The following S100A11 variants were observed in gnomAD, a reference collection of about 807,000 sequenced individuals.
S100A11 encodes the protein S100 calcium binding protein A11, also known as protein S100-A11.
In S100A11, 5 loss-of-function variants were observed where a neutral mutation model predicts 7.4. The observed-to-expected ratio is 0.68, with a 90% CI of 0.35 to 1.42. The LOEUF (loss-of-function observed/expected upper bound fraction) is 1.42, where lower values mean the gene tolerates loss of function less well. Among genes scored for constraint, S100A11 ranks in the 40% most tolerant of loss-of-function variants. The pLI is 0.04. For synonymous variants in S100A11, 47 were observed against 46.6 expected (o/e 1.01, Z -0.04); for missense variants, 96 against 125.0 (o/e 0.77, Z 1.11).
chr1:152,032,722 G>GCCA lies in S100A11; in HGVS notation c.255_257dup (p.Gly86dup). The GCCA allele has an allele frequency of 6.2e-7, 1 of 1,614,018 alleles. No individual in the cohort carries two copies. The highest frequency in any genetic ancestry group is 8.5e-7 in the Non-Finnish European group (1 of 1,179,884). On this transcript the variant is annotated inframe_insertion, in exon 3 of 3. Transcript: ENST00000271638. ...AGGAGTCATGGCAAGCCATAGCTAG[G>GCCA]CCACCAATCAGATTAAGAAATTCTG...
chr1:152,033,967 G>A lies in S100A11; in HGVS notation c.4-167C>T, dbSNP rs957048844. Among the ~76,000 whole-genome samples the A allele has an allele frequency of 6.6e-6, 1 of 152,206 alleles. No individual in the cohort carries two copies. The highest frequency in any genetic ancestry group is 1.5e-5 in the Non-Finnish European group (1 of 68,036). On this transcript the variant is annotated intron_variant, in intron 1 of 2. Transcript: ENST00000271638. This position sits in a 1 kb window ranked among gnomAD's most constrained non-coding sequence, Gnocchi z 4.0. ...AGACAACCACAAAAAGTCACACTCT[G>A]TGACCTTCCGTCCTACCCCTCGCCA...
intron 1 of S100A11, among the ~76,000 whole-genome samples, chr1:152,035,755 G>GGT (rs1656819941): frequency 6.6e-6 from 1 of 152,234 alleles, no homozygotes; most frequent in African/African-American, 2.4e-5. Flanking sequence ...AGTCTTACTT[G>GGT]GTGGGGATGG....
chr1:152,035,875 G>A (rs1656821743), intron 1 of S100A11, among the ~76,000 whole-genome samples: 1 of 152,200 alleles, frequency 6.6e-6, no homozygotes, highest in Admixed American at 6.5e-5. Context: ...TGAAAAAGAC[G>A]TAGCAATTTT....
chr1:152,034,315 T>C (rs1453167441), intron 1 of S100A11, among the ~76,000 whole-genome samples: 7 of 152,274 alleles, frequency 4.6e-5, no homozygotes, highest in Admixed American at 4.6e-4. Context: ...TATCATTGTG[T>C]ATGCAGTGGG....
At chr1:152,036,633 A>C (rs1335283384) in intron 1 of S100A11, among the ~76,000 whole-genome samples, 1 of 148,068 alleles carries the variant, frequency 6.8e-6, no homozygotes, top group African/African-American at 2.6e-5. Context: ...CCGCGCGGTG[A>C]GCGGCCAGCA....
At chr1:152,035,991 G>A (rs1048645888) in intron 1 of S100A11, among the ~76,000 whole-genome samples, 1 of 152,228 alleles carries the variant, frequency 6.6e-6, no homozygotes, top group Non-Finnish European at 1.5e-5. Context: ...GGGAATGGGC[G>A]TGGCTCTGTT....
At position 152,033,627 on chromosome 1, in the gene S100A11, G is replaced by T. The variant is rs370764128; in HGVS notation, c.156+21C>A. On this transcript the variant is annotated intron_variant, in intron 2 of 2. Transcript: ENST00000271638. The surrounding 1 kb of genome is among the most constrained non-coding windows in gnomAD (Gnocchi z 4.0). ...CATGTTGTGGGTAGTTTGGGGAAGTGGGGGAGACAGGGACCAGTACCTTTG... is the reference window on the plus strand; with the variant it reads ...CATGTTGTGGGTAGTTTGGGGAAGTTGGGGAGACAGGGACCAGTACCTTTG... 2 of 1,609,652 alleles carry T rather than the reference G, an allele frequency of 1.2e-6. No homozygotes were observed. The highest frequency in any genetic ancestry group is 8.5e-7 in the Non-Finnish European group (1 of 1,177,510).
Position 152,032,829 on chromosome 1 carries a change from G to A in S100A11, c.157-6C>T, listed in dbSNP as rs376301167. 8.9e-5 allele frequency: 142 copies of A among 1,600,106 alleles called. No homozygotes were observed. Among genetic ancestry groups the A allele is most frequent in the Non-Finnish European group, 1.2e-4 (139 of 1,170,900 alleles). On this transcript the variant is annotated splice_region_variant and splice_polypyrimidine_tract_variant and intron_variant, in intron 2 of 2. Coordinates refer to ENST00000271638, the MANE Select transcript of S100A11 (RefSeq NM_005620.2). Reference sequence around the variant, plus strand: ...ACACCAGGGTCCTTCTGGTTCTGCAGAGAAAATAATAATTACACCTTTATA... The same window carrying A: ...ACACCAGGGTCCTTCTGGTTCTGCAAAGAAAATAATAATTACACCTTTATA...
At position 152,034,186 on chromosome 1, in the gene S100A11, TTTC is replaced by T. The variant is rs1446104268; in HGVS notation, c.4-389_4-387del. On this transcript the variant is annotated intron_variant, in intron 1 of 2. Transcript: ENST00000271638. ...CCAAACATTGTCTATAGGTTAATAA[TTTC>T]TTATTTTCCAAGAGTGTATGGAGGC... Among the ~76,000 whole-genome samples the T allele has an allele frequency of 2.6e-5, 4 of 152,352 alleles. No individual in the cohort carries two copies. In the South Asian group the frequency reaches 8.3e-4, roughly 32 times the overall value.
chr1:152,032,875 TC>T, intron 2 of S100A11, 52 bp from the exon 3 acceptor site: 1 of 1,334,056 alleles, frequency 7.5e-7, no homozygotes, highest in Non-Finnish European at 1.1e-6. Flanking sequence ...TAATGTGCTT[TC>T]AAATATGCTG....
At position 152,033,627 on chromosome 1, in the gene S100A11, G is replaced by C. The variant is rs370764128; in HGVS notation, c.156+21C>G. The C allele has an allele frequency of 1.8e-5, 29 of 1,609,534 alleles. No homozygotes were observed. Among genetic ancestry groups the C allele is most frequent in the Middle Eastern group, 2.1e-4 (1 of 4,830 alleles). On this transcript the variant is annotated intron_variant, in intron 2 of 2. Coordinates refer to ENST00000271638, the MANE Select transcript of S100A11 (RefSeq NM_005620.2). This position sits in a 1 kb window ranked among gnomAD's most constrained non-coding sequence, Gnocchi z 4.0. ...CATGTTGTGGGTAGTTTGGGGAAGT[G>C]GGGGAGACAGGGACCAGTACCTTTG...
chr1:152,032,582 G>C lies in S100A11; in HGVS notation c.*80C>G. 1 of 1,343,832 alleles carries C rather than the reference G, an allele frequency of 7.4e-7. No homozygotes were observed. The highest frequency in any genetic ancestry group is 1.0e-6 in the Non-Finnish European group (1 of 961,486). 83.2% of individuals were successfully genotyped at this position (1,343,832 alleles called of 1,614,324 possible). A position where few individuals can be genotyped will look rare whatever the true frequency, so the allele number is the denominator to read the frequency against. On this transcript the variant is annotated 3_prime_UTR_variant, in exon 3 of 3. Transcript: ENST00000271638. ...TGCATGAGGTGGTTAGTGTGCTCAG[G>C]GGATGGGTGGGCTGTGGAGATGATG...
At chr1:152,034,257 G>A (rs1431716716) in intron 1 of S100A11, among the ~76,000 whole-genome samples, 2 of 152,218 alleles carry the variant, frequency 1.3e-5, no homozygotes, top group African/African-American at 2.4e-5. Context: ...AAGCAATACC[G>A]AATTCCTGGG....
chr1:152,036,874 T>G, intron 1 of S100A11, 39 bp downstream of exon 1: 1 of 1,573,426 alleles, frequency 6.4e-7, no homozygotes, highest in Non-Finnish European at 8.7e-7. Context: ...TTTCTTTTTC[T>G]TTTCATGTAA....
chr1:152,033,937 G>T lies in S100A11; in HGVS notation c.4-137C>A. 1 of 708,324 alleles carries T rather than the reference G, an allele frequency of 1.4e-6. No individual in the cohort carries two copies. The highest frequency in any genetic ancestry group is 2.4e-6 in the Non-Finnish European group (1 of 419,984). The allele number at this position is 708,324 out of a possible 1,614,324, so 43.9% of individuals were successfully genotyped here. Reference sequence around the variant, plus strand: ...AGTCATTTTTTCAAGGGGCTGAGGGGTTCAAGACAACCACAAAAAGTCACA... The same window carrying T: ...AGTCATTTTTTCAAGGGGCTGAGGGTTTCAAGACAACCACAAAAAGTCACA... On this transcript the variant is annotated intron_variant, in intron 1 of 2. Coordinates refer to ENST00000271638, the MANE Select transcript of S100A11 (RefSeq NM_005620.2). The surrounding 1 kb of genome is among the most constrained non-coding windows in gnomAD (Gnocchi z 4.0).
Position 152,032,695 on chromosome 1 carries a change from G to A in S100A11, c.285C>T (p.Phe95=). Residue 95 remains phenylalanine, a synonymous_variant, in exon 3 of 3, where the codon TTC becomes TTT. Transcript: ENST00000271638. ...GCTTCTGGGAAGGGACAGCCTTGAG[G>A]AAGGAGTCATGGCAAGCCATAGCTA... ...GGLAMACHDS[F]LKAVPSQKRT is the part of the protein sequence containing the mutation. The A allele has an allele frequency of 6.2e-7, 1 of 1,613,782 alleles. No individual in the cohort carries two copies. The highest frequency in any genetic ancestry group is 8.5e-7 in the Non-Finnish European group (1 of 1,179,716).
At position 152,032,507 on chromosome 1, in the gene S100A11, T is replaced by C. The variant is rs1656758458; in HGVS notation, c.*155A>G. On this transcript the variant is annotated 3_prime_UTR_variant, in exon 3 of 3. Transcript: ENST00000271638. The stretch of plus-strand genomic sequence containing the variant: ...TGCACAAATTCACCAACTCTCTAGT[T>C]CATGTTTTAAAAAAGTGACATTGCT... The C allele has an allele frequency of 6.9e-6, 4 of 582,386 alleles. No individual in the cohort carries two copies. The highest frequency in any genetic ancestry group is 8.9e-6 in the Non-Finnish European group (3 of 336,728). 36.1% of individuals were successfully genotyped at this position (582,386 alleles called of 1,614,324 possible).
chr1:152,032,827 C>T lies in S100A11; in HGVS notation c.157-4G>A, dbSNP rs878973718. The T allele has an allele frequency of 6.2e-7, 1 of 1,601,386 alleles. No homozygotes were observed. Among genetic ancestry groups the T allele is most frequent in the South Asian group, 1.1e-5 (1 of 90,816 alleles). ...GGACACCAGGGTCCTTCTGGTTCTGCAGAGAAAATAATAATTACACCTTTA... is the reference window on the plus strand; with the variant it reads ...GGACACCAGGGTCCTTCTGGTTCTGTAGAGAAAATAATAATTACACCTTTA... On this transcript the variant is annotated splice_region_variant and splice_polypyrimidine_tract_variant and intron_variant, in intron 2 of 2. Transcript: ENST00000271638.
chr1:152,034,968 T>C (rs1296040869), intron 1 of S100A11, among the ~76,000 whole-genome samples: 4 of 152,228 alleles, frequency 2.6e-5, no homozygotes, highest in African/African-American at 7.2e-5. Context: ...CAGCTGCAGA[T>C]TGATTCCTCC....
Sources: allele counts gnomAD v4.1 joint callset (sites outside exome capture counted in the v4.1 genomes callset), GRCh38; gene constraint gnomAD v4.1.1; non-coding constraint Gnocchi (gnomAD v3.1); transcripts MANE v1.5; gene names NCBI Gene and HGNC (gene_info 2026-07-23, HGNC 2026-07-21).